SLC25A21: variants seen among roughly 807,000 people sequenced by gnomAD.
SLC25A21 encodes the protein mitochondrial 2-oxodicarboxylate carrier.
In SLC25A21, 47 loss-of-function variants were observed where a neutral mutation model predicts 43.8. The observed-to-expected ratio is 1.07, with a 90% CI of 0.85 to 1.37. The LOEUF (loss-of-function observed/expected upper bound fraction) is 1.37. Among genes scored for constraint, SLC25A21 ranks in the 40% most tolerant of loss-of-function variants. The probability of loss-of-function intolerance (pLI) is 0.00; values close to 1 mark genes in which losing one functional copy is unlikely to be tolerated. For synonymous variants in SLC25A21, 131 were observed against 121.3 expected, an observed-to-expected ratio of 1.08 and a Z score of -0.52; for missense variants, 352 against 350.2, an observed-to-expected ratio of 1.00 and a Z score of -0.04.
intron 3 of SLC25A21, among the ~76,000 whole-genome samples, chr14:36,786,665 C>A (rs1393245838): frequency 1.3e-5 from 2 of 152,140 alleles, no homozygotes; most frequent in Non-Finnish European, 2.9e-5. Flanking sequence ...TCTCTTGAAG[C>A]AAAGAGGTCC....
intron 1 of SLC25A21, among the ~76,000 whole-genome samples, chr14:37,084,297 G>C (rs1483344197): frequency 6.6e-6 from 1 of 152,078 alleles, no homozygotes; most frequent in Non-Finnish European, 1.5e-5. Context: ...CCTCTTGTTA[G>C]GAGGCTCTTC....
At chr14:36,762,452 G>A (rs1450726260) in intron 3 of SLC25A21, among the ~76,000 whole-genome samples, 1 of 152,186 alleles carries the variant, frequency 6.6e-6, no homozygotes, top group African/African-American at 2.4e-5. Context: ...TCTGGGAACG[G>A]CAGCCATGAG....
At chr14:36,982,626 C>T (rs1960054691) in intron 1 of SLC25A21, among the ~76,000 whole-genome samples, 1 of 151,920 alleles carries the variant, frequency 6.6e-6, no homozygotes, top group South Asian at 2.1e-4. Flanking sequence ...ACCAGCCTGA[C>T]CAACATGGCA....
chr14:37,144,785 T>TG (rs1491361018), intron 1 of SLC25A21, among the ~76,000 whole-genome samples: 2 of 3,020 alleles, frequency 6.6e-4, no homozygotes, highest in African/African-American at 7.7e-4. Context: ...TTGTTTTGGG[T>TG]TTTTTTTTTT....
chr14:36,933,227 C>T (rs1346508725), intron 1 of SLC25A21, among the ~76,000 whole-genome samples: 1 of 152,126 alleles, frequency 6.6e-6, no homozygotes, highest in Non-Finnish European at 1.5e-5. Context: ...GTCTATAAAG[C>T]TGGATTAAGT....
At chr14:37,003,320 G>C (rs1226259576) in intron 1 of SLC25A21, among the ~76,000 whole-genome samples, 1 of 152,148 alleles carries the variant, frequency 6.6e-6, no homozygotes, top group Non-Finnish European at 1.5e-5. Flanking sequence ...TACATGATGA[G>C]ATGAAGTGAG....
intron 6 of SLC25A21, among the ~76,000 whole-genome samples, chr14:36,712,074 A>G (rs1334714901): frequency 1.3e-5 from 2 of 152,144 alleles, no homozygotes; most frequent in African/African-American, 4.8e-5. Context: ...TTCTACATAA[A>G]TGGTGTTGGG....
intron 2 of SLC25A21, among the ~76,000 whole-genome samples, chr14:36,823,397 G>C (rs1888705559): frequency 6.6e-6 from 1 of 152,074 alleles, no homozygotes; most frequent in African/African-American, 2.4e-5. Flanking sequence ...CTTAATATCA[G>C]ATTATAGTGC....
chr14:36,730,343 A>G (rs905330121), intron 4 of SLC25A21, among the ~76,000 whole-genome samples: 2 of 152,150 alleles, frequency 1.3e-5, no homozygotes, highest in East Asian at 3.9e-4. Context: ...TTGAGCAACA[A>G]CTGTGCTTGA....
At chr14:36,824,273 ACTAAG>A (rs1302919353) in intron 2 of SLC25A21, among the ~76,000 whole-genome samples, 5 of 152,178 alleles carry the variant, frequency 3.3e-5, no homozygotes, top group Non-Finnish European at 7.3e-5. Context: ...GAATGGAGAT[ACTAAG>A]CTTGGCTAAT....
At chr14:37,097,728 C>A (rs1032743369) in intron 1 of SLC25A21, 3 of 151,720 alleles carry the variant, frequency 2.0e-5, no homozygotes, top group African/African-American at 7.3e-5. Flanking sequence ...ACTAAAAATA[C>A]AAAAAATTAG....
chr14:36,779,897 A>G (rs1886989107), intron 3 of SLC25A21, among the ~76,000 whole-genome samples: 1 of 151,798 alleles, frequency 6.6e-6, no homozygotes, highest in Non-Finnish European at 1.5e-5. Flanking sequence ...GGTTGTACCA[A>G]TTTATATTCT....
At chr14:36,967,474 C>G (rs893265075) in intron 1 of SLC25A21, among the ~76,000 whole-genome samples, 2 of 152,118 alleles carry the variant, frequency 1.3e-5, no homozygotes, top group African/African-American at 2.4e-5. Context: ...AGTCATTTGA[C>G]CTGAAAATGC....
At chr14:37,014,271 G>A (rs1054490726) in intron 1 of SLC25A21, among the ~76,000 whole-genome samples, 1 of 152,096 alleles carries the variant, frequency 6.6e-6, no homozygotes, top group Non-Finnish European at 1.5e-5. Flanking sequence ...TTTCCCCAGA[G>A]TAGAACTTCT....
At chr14:37,059,370 T>C (rs1350707917) in intron 1 of SLC25A21, among the ~76,000 whole-genome samples, 1 of 152,196 alleles carries the variant, frequency 6.6e-6, no homozygotes, top group Admixed American at 6.5e-5. Flanking sequence ...CCAAAGAGTC[T>C]GGTAACCGAG....
At chr14:36,991,524 A>G (rs551726623) in intron 1 of SLC25A21, among the ~76,000 whole-genome samples, 2 of 152,330 alleles carry the variant, frequency 1.3e-5, no homozygotes, top group East Asian at 1.9e-4. Context: ...AAAAGGAGCC[A>G]AGAATTTTTG....
chr14:36,782,422 C>A (rs1887098195), intron 3 of SLC25A21, among the ~76,000 whole-genome samples: 1 of 152,024 alleles, frequency 6.6e-6, no homozygotes, highest in East Asian at 1.9e-4. Context: ...TTCTTGTTTT[C>A]TTTGGGGTCA....
intron 1 of SLC25A21, among the ~76,000 whole-genome samples, chr14:36,991,043 A>T (rs1594741359): frequency 6.6e-6 from 1 of 152,130 alleles, no homozygotes; most frequent in East Asian, 1.9e-4. Context: ...CTTCCAATGG[A>T]CTCATGCAAA....
At position 36,765,840 on chromosome 14, in the gene SLC25A21, G is replaced by A. The variant is rs574112450; in HGVS notation, c.204-31267C>T. Among the ~76,000 whole-genome samples the A allele has an allele frequency of 2.0e-5, 3 of 152,178 alleles. No homozygotes were observed. In the South Asian group the frequency reaches 6.2e-4, roughly 32 times the overall value. On this transcript the variant is annotated intron_variant, in intron 3 of 9. Transcript: ENST00000331299. The stretch of plus-strand genomic sequence containing the variant: ...TCCATACAGATGGCAATACATGCAG[G>A]TCTAAGCCTCTAGTTTCAAGGTATA...
Sources: allele counts gnomAD v4.1 joint callset (sites outside exome capture counted in the v4.1 genomes callset), GRCh38; gene constraint gnomAD v4.1.1; transcripts MANE v1.5; gene names NCBI Gene and HGNC (gene_info 2026-07-23, HGNC 2026-07-21).